The following FIRRM variants were observed in gnomAD, a reference collection of about 807,000 sequenced individuals.
FIRRM encodes the protein FIGNL1 interacting regulator of recombination and mitosis.
the FIRRM span, among the ~76,000 whole-genome samples, chr1:169,816,884 A>G: frequency 6.6e-6 from 1 of 152,226 alleles, no homozygotes; most frequent in African/African-American, 2.4e-5. Flanking sequence ...TCCTGTTGCA[A>G]AAGAAAACAT....
chr1:169,817,181 C>T, the FIRRM span, among the ~76,000 whole-genome samples: 1 of 152,054 alleles, frequency 6.6e-6, no homozygotes, highest in Non-Finnish European at 1.5e-5. Context: ...AATGCTTGCC[C>T]TGTTTGATAT....
the FIRRM span, among the ~76,000 whole-genome samples, chr1:169,785,978 G>A: frequency 2.0e-5 from 3 of 152,008 alleles, no homozygotes; most frequent in Non-Finnish European, 4.4e-5. Flanking sequence ...AGATGATAGC[G>A]AACCTAATTA....
the FIRRM span, among the ~76,000 whole-genome samples, chr1:169,786,307 A>C: frequency 6.6e-6 from 1 of 152,354 alleles, no homozygotes; most frequent in East Asian, 1.9e-4. Context: ...TTTCCTTAGA[A>C]GTTATTGTAA....
At chr1:169,797,889 T>G in the FIRRM span, among the ~76,000 whole-genome samples, 4 of 152,178 alleles carry the variant, frequency 2.6e-5, no homozygotes, top group East Asian at 1.9e-4. Context: ...TCTTATGGTG[T>G]TGTTACAGTA....
chr1:169,830,719 C>T, the FIRRM span: 32 of 1,613,686 alleles, frequency 2.0e-5, no homozygotes, highest in Non-Finnish European at 2.6e-5. Flanking sequence ...GAACTGTGTG[C>T]ACACCATGTC....
At chr1:169,805,015 G>A in the FIRRM span, among the ~76,000 whole-genome samples, 3 of 152,152 alleles carry the variant, frequency 2.0e-5, no homozygotes, top group Non-Finnish European at 2.9e-5. Context: ...ATTGCTGGTC[G>A]TAACACACTT....
chr1:169,823,078 C>T, the FIRRM span, among the ~76,000 whole-genome samples: 1 of 151,266 alleles, frequency 6.6e-6, no homozygotes, highest in Admixed American at 6.6e-5. Flanking sequence ...ATGGTGAAAC[C>T]CCTCCTCTAC....
At chr1:169,811,860 A>ATTATC in the FIRRM span, among the ~76,000 whole-genome samples, 1 of 151,674 alleles carries the variant, frequency 6.6e-6, no homozygotes, top group Non-Finnish European at 1.5e-5. Flanking sequence ...TAGATAATAG[A>ATTATC]TAGATAGATT....
the FIRRM span, chr1:169,802,661 G>T: frequency 6.2e-7 from 1 of 1,613,106 alleles, no homozygotes; most frequent in Admixed American, 1.7e-5. Flanking sequence ...GAATTAACCA[G>T]TCAAGCCAGA....
chr1:169,844,118 G>C, the FIRRM span, among the ~76,000 whole-genome samples: 2 of 152,176 alleles, frequency 1.3e-5, no homozygotes, highest in Non-Finnish European at 2.9e-5. Context: ...CAGCAGCTGT[G>C]GGAATGTGGA....
the FIRRM span, among the ~76,000 whole-genome samples, chr1:169,837,761 T>A: frequency 6.6e-6 from 1 of 152,118 alleles, no homozygotes; most frequent in Non-Finnish European, 1.5e-5. Context: ...GACAGTAAAA[T>A]AAGAAATGCC....
chr1:169,827,915 T>A, the FIRRM span: 1 of 1,500,174 alleles, frequency 6.7e-7, no homozygotes, highest in Non-Finnish European at 9.0e-7. Flanking sequence ...GTCTTGAAAT[T>A]AAGTTTGTGT....
chr1:169,824,062 C>A, the FIRRM span, among the ~76,000 whole-genome samples: 1 of 152,178 alleles, frequency 6.6e-6, no homozygotes, highest in African/African-American at 2.4e-5. Context: ...GTGTCCCAGA[C>A]AACTTTTTCA....
the FIRRM span, among the ~76,000 whole-genome samples, chr1:169,824,997 CTTT>C: frequency 6.6e-6 from 1 of 152,196 alleles, no homozygotes; most frequent in Non-Finnish European, 1.5e-5. Context: ...TTTGTAACTT[CTTT>C]ATTTCAGTTT....
At chr1:169,820,430 C>T in the FIRRM span, among the ~76,000 whole-genome samples, 7 of 152,148 alleles carry the variant, frequency 4.6e-5, no homozygotes, top group Non-Finnish European at 8.8e-5. Context: ...CACCCACAGC[C>T]GTCAGCAGGA....
the FIRRM span, chr1:169,806,165 A>C: frequency 1.2e-6 from 1 of 823,384 alleles, no homozygotes; most frequent in Non-Finnish European, 1.9e-6. Flanking sequence ...ATGATTCTTT[A>C]GATTGCATTT....
the FIRRM span, chr1:169,795,393 T>C: frequency 2.8e-6 from 4 of 1,410,392 alleles, no homozygotes; most frequent in South Asian, 6.3e-5. Context: ...GCGACAACCG[T>C]GGTAGATTTA....
At chr1:169,805,121 A>G in the FIRRM span, among the ~76,000 whole-genome samples, 2 of 152,278 alleles carry the variant, frequency 1.3e-5, no homozygotes, top group East Asian at 1.9e-4. Context: ...TAAAGAGAGT[A>G]AGTTGGTTTT....
At chr1:169,836,683 G>A in the FIRRM span, among the ~76,000 whole-genome samples, 2 of 152,070 alleles carry the variant, frequency 1.3e-5, no homozygotes, top group Admixed American at 6.6e-5. Flanking sequence ...ATTATTTAAT[G>A]TCTTGGTGCA....
Sources: allele counts gnomAD v4.1 joint callset (sites outside exome capture counted in the v4.1 genomes callset), GRCh38; gene constraint gnomAD v4.1.1; transcripts MANE v1.5; gene names NCBI Gene and HGNC (gene_info 2026-07-23, HGNC 2026-07-21).